LRP1B: variants seen among roughly 807,000 people sequenced by gnomAD.
LRP1B encodes LDL receptor related protein 1B, also known as low-density lipoprotein receptor-related protein 1B.
LRP1B carries 217 observed loss-of-function variants against 556.6 expected under a neutral mutation model. The observed-to-expected ratio is 0.39, with a 90% CI of 0.35 to 0.44. LRP1B has a LOEUF of 0.44. Ranked by LOEUF, LRP1B falls within the 20% of genes least tolerant of loss-of-function variation. The pLI is 1.00. For missense variants in LRP1B, 5,053 were observed against 5,620.8 expected (o/e 0.90, Z 3.23); for synonymous variants, 2,047 against 1,865.8 (o/e 1.10, Z -2.50).
intron 2 of LRP1B, among the ~76,000 whole-genome samples, chr2:141,797,142 T>G (rs971058582): frequency 9.7e-6 from 1 of 102,626 alleles, no homozygotes; most frequent in East Asian, 2.6e-4. Flanking sequence ...ACTTTGAAAA[T>G]AATCATATAT....
At chr2:141,264,119 G>A (rs144212174) in intron 3 of LRP1B, among the ~76,000 whole-genome samples, 1 of 152,202 alleles carries the variant, frequency 6.6e-6, no homozygotes, top group Middle Eastern at 3.4e-3. Flanking sequence ...ACAAAGTTTA[G>A]GAACACAAAT....
At chr2:141,993,745 A>G (rs1455077528) in intron 1 of LRP1B, among the ~76,000 whole-genome samples, 1 of 152,136 alleles carries the variant, frequency 6.6e-6, no homozygotes, top group Non-Finnish European at 1.5e-5. Context: ...ATCAGTTTAT[A>G]TTTCCTTGCC....
intron 77 of LRP1B, among the ~76,000 whole-genome samples, chr2:140,344,902 G>A (rs751056057): frequency 6.6e-5 from 10 of 151,510 alleles, no homozygotes; most frequent in African/African-American, 2.4e-4. Context: ...TAAGTGAGGG[G>A]AAAAAAAGAA....
intron 2 of LRP1B, among the ~76,000 whole-genome samples, chr2:141,526,773 C>A (rs1425803646): frequency 6.6e-6 from 1 of 151,912 alleles, no homozygotes; most frequent in Non-Finnish European, 1.5e-5. Flanking sequence ...AATGCTTTGC[C>A]CAAGCTTCCC....
chr2:140,559,296 G>A (rs893588051), intron 43 of LRP1B, among the ~76,000 whole-genome samples: 1 of 151,926 alleles, frequency 6.6e-6, no homozygotes, highest in Non-Finnish European at 1.5e-5. Context: ...AGACATATCA[G>A]TTATTTGCAA....
At position 140,787,558 on chromosome 2, in the gene LRP1B, A is replaced by ATTTTTTTT. The variant is rs756825067; in HGVS notation, c.5360-11328_5360-11321dup. ...CCTATCTTCCTGTTTAAAACAGAAG[A>ATTTTTTTT]TTTTTTTTTTTTTTTTTTTTTTTTT... On this transcript the variant is annotated intron_variant, in intron 32 of 90. Transcript: ENST00000389484. Among the ~76,000 whole-genome samples, 290 of 44,656 alleles carry ATTTTTTTT rather than the reference A, an allele frequency of 6.5e-3. 30 individuals carry two copies. The highest frequency in any genetic ancestry group is 0.024 in the African/African-American group (215 of 9,130). 29.3% of individuals were successfully genotyped at this position (44,656 alleles called of 152,430 possible). A position where few individuals can be genotyped will look rare whatever the true frequency, so the allele number is the denominator to read the frequency against.
chr2:140,446,667 C>A (rs1159517741), intron 63 of LRP1B, among the ~76,000 whole-genome samples: 1 of 152,000 alleles, frequency 6.6e-6, no homozygotes, highest in Non-Finnish European at 1.5e-5. Context: ...AGCCTATTTG[C>A]TCTACTAAAA....
At chr2:142,059,582 G>A (rs950694966) in intron 1 of LRP1B, among the ~76,000 whole-genome samples, 5 of 151,864 alleles carry the variant, frequency 3.3e-5, no homozygotes, top group Non-Finnish European at 7.4e-5. Context: ...AAAGTTTTTA[G>A]GGATAATTTG....
chr2:141,865,549 G>A (rs1324883442), intron 1 of LRP1B, among the ~76,000 whole-genome samples: 2 of 130,290 alleles, frequency 1.5e-5, no homozygotes, highest in East Asian at 2.2e-4. Context: ...CCGAGATCCC[G>A]CCACTGCACT....
At chr2:140,323,362 T>C (rs1474953234) in intron 81 of LRP1B, among the ~76,000 whole-genome samples, 1 of 150,834 alleles carries the variant, frequency 6.6e-6, no homozygotes, top group Non-Finnish European at 1.5e-5. Context: ...TATACAACTC[T>C]TGGGAAGAGT....
At chr2:141,520,729 A>C (rs7585091) in intron 2 of LRP1B, among the ~76,000 whole-genome samples, 87,612 of 151,692 alleles carry the variant, frequency 0.58, 25,505 homozygotes, top group South Asian at 0.64. Context: ...CAAACACACA[A>C]AAAAAAGTGG....
At chr2:140,395,343 GACATAT>G (rs1164644262) in intron 66 of LRP1B, among the ~76,000 whole-genome samples, 1 of 152,152 alleles carries the variant, frequency 6.6e-6, no homozygotes, top group Non-Finnish European at 1.5e-5. Flanking sequence ...GTCTCTACAT[GACATAT>G]ACTATTATAG....
chr2:141,118,727 AGTT>A (rs1700968371), intron 7 of LRP1B, among the ~76,000 whole-genome samples: 1 of 151,946 alleles, frequency 6.6e-6, no homozygotes, highest in Non-Finnish European at 1.5e-5. Flanking sequence ...CTAGTGAGAT[AGTT>A]ATTATCTTCA....
chr2:141,280,604 G>A (rs1479301075), intron 3 of LRP1B, among the ~76,000 whole-genome samples: 2 of 151,758 alleles, frequency 1.3e-5, no homozygotes, highest in Non-Finnish European at 2.9e-5. Context: ...GATGCAGAAC[G>A]CTTAATATTG....
chr2:141,110,528 T>C (rs1161070185), intron 7 of LRP1B, among the ~76,000 whole-genome samples: 5 of 151,998 alleles, frequency 3.3e-5, no homozygotes, highest in Non-Finnish European at 5.9e-5. Context: ...TCTAATTTAA[T>C]AGGGAAAAGC....
chr2:141,172,054 C>A (rs958231330), intron 7 of LRP1B, among the ~76,000 whole-genome samples: 5 of 152,140 alleles, frequency 3.3e-5, no homozygotes, highest in Non-Finnish European at 7.4e-5. Context: ...ACTCCAAACA[C>A]AAAACACTTC....
At chr2:140,440,299 C>G (rs1003690215) in intron 66 of LRP1B, among the ~76,000 whole-genome samples, 5 of 152,086 alleles carry the variant, frequency 3.3e-5, no homozygotes, top group African/African-American at 4.8e-5. Context: ...GACACTCATG[C>G]CACTCTTAAT....
intron 66 of LRP1B, among the ~76,000 whole-genome samples, chr2:140,434,510 A>G (rs558220308): frequency 1.3e-5 from 2 of 152,362 alleles, no homozygotes; most frequent in African/African-American, 4.8e-5. Context: ...AAAGGACAAT[A>G]AGAATCTACA....
At chr2:141,128,353 A>T (rs1701267268) in intron 7 of LRP1B, among the ~76,000 whole-genome samples, 3 of 152,230 alleles carry the variant, frequency 2.0e-5, no homozygotes, top group African/African-American at 7.2e-5. Flanking sequence ...ACACTGTTTT[A>T]GATCAAGTAT....
Sources: allele counts gnomAD v4.1 joint callset (sites outside exome capture counted in the v4.1 genomes callset), GRCh38; gene constraint gnomAD v4.1.1; transcripts MANE v1.5; gene names NCBI Gene and HGNC (gene_info 2026-07-23, HGNC 2026-07-21).